PTPRE: variants seen among roughly 807,000 people sequenced by gnomAD.
PTPRE encodes receptor-type tyrosine-protein phosphatase epsilon.
PTPRE carries 51 observed loss-of-function variants against 102.0 expected under a neutral mutation model. The observed-to-expected ratio is 0.50, with a 90% CI of 0.40 to 0.63. The LOEUF is 0.63. Among genes scored for constraint, PTPRE ranks in the 30% least tolerant of loss-of-function variants. The pLI is 0.00. For synonymous variants in PTPRE, 345 were observed against 348.2 expected (o/e 0.99, Z 0.10); for missense variants, 752 against 915.1 (o/e 0.82, Z 2.30).
At chr10:128,054,590 T>A (rs964360874) in intron 6 of PTPRE, among the ~76,000 whole-genome samples, 1 of 151,688 alleles carries the variant, frequency 6.6e-6, no homozygotes, top group Non-Finnish European at 1.5e-5. Flanking sequence ...TTGCCTCTGC[T>A]TTGGGACCAA....
chr10:127,997,043 A>G (rs1041340335), intron 2 of PTPRE, among the ~76,000 whole-genome samples: 1 of 152,248 alleles, frequency 6.6e-6, no homozygotes, highest in Non-Finnish European at 1.5e-5. Context: ...AAAAGAACAC[A>G]GTGCAACAGT....
At chr10:128,052,524 G>T (rs1454882834) in intron 6 of PTPRE, among the ~76,000 whole-genome samples, 1 of 152,168 alleles carries the variant, frequency 6.6e-6, no homozygotes, top group African/African-American at 2.4e-5. Context: ...TGGACATGAG[G>T]TTGGATAACC....
chr10:128,072,267 G>T, intron 16 of PTPRE, 53 bp downstream of exon 16: 1 of 1,440,284 alleles, frequency 6.9e-7, no homozygotes, highest in Non-Finnish European at 9.7e-7. Context: ...CTTCACATGT[G>T]ACCACAGACT....
chr10:128,045,234 T>C (rs891917740), intron 3 of PTPRE, among the ~76,000 whole-genome samples: 1 of 152,264 alleles, frequency 6.6e-6, no homozygotes, highest in Non-Finnish European at 1.5e-5. Flanking sequence ...TTTCTGGGCT[T>C]GGGTGGTTCA....
chr10:127,911,847 G>T (rs897248585), intron 1 of PTPRE, among the ~76,000 whole-genome samples: 32 of 152,116 alleles, frequency 2.1e-4, no homozygotes, highest in African/African-American at 7.5e-4. Flanking sequence ...GTTTATTTTG[G>T]AGGATTAACT....
At chr10:128,073,035 C>T (rs966612948) in intron 16 of PTPRE, among the ~76,000 whole-genome samples, 5 of 152,184 alleles carry the variant, frequency 3.3e-5, no homozygotes, top group African/African-American at 1.2e-4. Flanking sequence ...CACACAGAAA[C>T]ATGTTAGAAT....
intron 2 of PTPRE, among the ~76,000 whole-genome samples, chr10:128,005,079 GTTTA>G (rs1222374556): frequency 2.6e-5 from 4 of 152,068 alleles, no homozygotes; most frequent in Non-Finnish European, 5.9e-5. Flanking sequence ...TGTTTTTTGG[GTTTA>G]TTTGTCTTTT....
Position 128,066,117 on chromosome 10 carries a change from T to C in PTPRE, c.766T>C (p.Tyr256His). Residue 256 changes from tyrosine to histidine, a missense_variant, in exon 11 of 21, where the codon TAT (tyrosine) becomes CAT (histidine). Around this residue, in one of 2 missense-constraint regions of PTPRE, gnomAD observed 636 missense variants for 824.4 expected, o/e 0.77. Coordinates refer to ENST00000254667, the MANE Select transcript of PTPRE (RefSeq NM_006504.6). Reference sequence around the variant, plus strand: ...CTGGCCCGACCAAGGCTGCTGGACCTATGGAAACATCCGGGTGTGCGTGGA... The same window carrying C: ...CTGGCCCGACCAAGGCTGCTGGACCCATGGAAACATCCGGGTGTGCGTGGA... ...QYWPDQGCWTYGNIRVCVEDC... is the reference protein window; with the variant it reads ...QYWPDQGCWTHGNIRVCVEDC... 6.2e-7 allele frequency: 1 copy of C among 1,614,246 alleles called. No individual in the cohort carries two copies. The highest frequency in any genetic ancestry group is 8.5e-7 in the Non-Finnish European group (1 of 1,180,044).
At chr10:127,946,456 G>A (rs894244880) in intron 1 of PTPRE, among the ~76,000 whole-genome samples, 2 of 116,426 alleles carry the variant, frequency 1.7e-5, no homozygotes, top group African/African-American at 5.8e-5. Context: ...CCTGTCAACA[G>A]GGAAAGATTG....
intron 2 of PTPRE, among the ~76,000 whole-genome samples, chr10:128,034,325 A>ACCCCCCCCCCCCCC (rs58597055): frequency 6.8e-6 from 1 of 147,058 alleles, no homozygotes; most frequent in African/African-American, 2.6e-5. Context: ...CCTCCACACC[A>ACCCCCCCCCCCCCC]CCCCCCCCAC....
intron 2 of PTPRE, among the ~76,000 whole-genome samples, chr10:128,029,175 C>T (rs948151426): frequency 3.3e-5 from 5 of 152,142 alleles, no homozygotes; most frequent in Admixed American, 6.5e-5. Context: ...GCGGAAGGCT[C>T]GTGGGGGCTC....
intron 2 of PTPRE, among the ~76,000 whole-genome samples, chr10:128,032,044 C>T (rs1846803388): frequency 6.6e-6 from 1 of 152,132 alleles, no homozygotes; most frequent in African/African-American, 2.4e-5. Flanking sequence ...GAAACAGAGT[C>T]TCTTTCCATC....
chr10:128,036,328 C>T (rs771593726), intron 2 of PTPRE, among the ~76,000 whole-genome samples: 2 of 152,050 alleles, frequency 1.3e-5, no homozygotes, highest in Middle Eastern at 3.2e-3. Context: ...TCTGACAAGG[C>T]CCCAGACCCC....
At chr10:127,980,276 T>C (rs1851501017) in intron 1 of PTPRE, among the ~76,000 whole-genome samples, 1 of 152,196 alleles carries the variant, frequency 6.6e-6, no homozygotes, top group Non-Finnish European at 1.5e-5. Context: ...CAGTAGGTGC[T>C]TTGGCATTAT....
chr10:127,956,367 A>G (rs188369786), intron 1 of PTPRE, among the ~76,000 whole-genome samples: 7 of 152,278 alleles, frequency 4.6e-5, no homozygotes, highest in African/African-American at 1.7e-4. Flanking sequence ...ACGGCTTCTC[A>G]AGGGACTCCT....
chr10:128,010,453 G>C (rs945829765), intron 2 of PTPRE, among the ~76,000 whole-genome samples: 5 of 152,146 alleles, frequency 3.3e-5, no homozygotes. Context: ...GAGACCATGC[G>C]GTTCCCAGCC....
chr10:128,070,204 A>T lies in PTPRE; in HGVS notation c.1144-97A>T. ...ACCTCCTTGTGTTGGCAAAAAGAGA[A>T]AAAGAAGAAAGCCGCCCTCTTTGGT... On this transcript the variant is annotated intron_variant, in intron 13 of 20. Transcript: ENST00000254667. The surrounding 1 kb of genome is among the most constrained non-coding windows in gnomAD (Gnocchi z 4.8). 3 of 1,423,846 alleles carry T rather than the reference A, an allele frequency of 2.1e-6. No homozygotes were observed. The highest frequency in any genetic ancestry group is 2.8e-6 in the Non-Finnish European group (3 of 1,054,486). The allele number at this position is 1,423,846 out of a possible 1,614,324, so 88.2% of individuals were successfully genotyped here.
At chr10:127,976,198 C>T (rs148571795) in intron 1 of PTPRE, among the ~76,000 whole-genome samples, 6 of 152,102 alleles carry the variant, frequency 3.9e-5, no homozygotes, top group South Asian at 2.1e-4. Flanking sequence ...ATGCCCAGCG[C>T]CAAGAGGTGA....
Position 128,060,978 on chromosome 10 carries a change from T to A in PTPRE, c.551T>A (p.Ile184Asn). Residue 184 changes from isoleucine (I) to asparagine (N), a missense_variant, in exon 8 of 21, where the codon ATT becomes AAT. Transcript: ENST00000254667. Reference protein sequence around the residue: ...SRVILSQLDGIPCSDYINASY... With the variant: ...SRVILSQLDGNPCSDYINASY... The stretch of plus-strand genomic sequence containing the variant: ...GTGATTCTGAGCCAACTGGATGGAA[T>A]TCCCTGTTCAGACTACATCAATGCT... The A allele has an allele frequency of 1.2e-6, 2 of 1,614,196 alleles. No homozygotes were observed. The highest frequency in any genetic ancestry group is 1.7e-6 in the Non-Finnish European group (2 of 1,180,012).
Sources: gnomAD v4.1 joint callset for allele counts (sites outside exome capture counted in the v4.1 genomes callset) on GRCh38, gnomAD v4.1.1 for gene constraint, gnomAD v4.1.1 regional missense constraint, Gnocchi (gnomAD v3.1) non-coding constraint, MANE v1.5 for transcripts, NCBI Gene and HGNC (gene_info 2026-07-23, HGNC 2026-07-21) for gene names.